The following RBFOX1 variants were observed in gnomAD, a reference collection of about 807,000 sequenced individuals.
The protein encoded by RBFOX1 is RNA binding protein fox-1 homolog 1.
In RBFOX1, 8 loss-of-function variants were observed where a neutral mutation model predicts 57.7. The ratio of observed to expected loss-of-function variants is 0.14; its 90% CI spans 0.08 to 0.25. The LOEUF is 0.25. RBFOX1 is among the 10% of genes least tolerant of loss of function. RBFOX1 has a pLI of 1.00. For missense variants in RBFOX1, 611 were observed against 548.5 expected (o/e 1.11, Z -1.14); for synonymous variants, 326 against 222.4 (o/e 1.47, Z -4.15).
At chr16:6,925,322 G>A (rs935165196) in intron 3 of RBFOX1, among the ~76,000 whole-genome samples, 6 of 150,920 alleles carry the variant, frequency 4.0e-5, no homozygotes, top group East Asian at 2.0e-4. Flanking sequence ...ATAGGGTTTC[G>A]TCCTGTTGGC....
At chr16:7,634,488 G>A (rs1370212392) in intron 11 of RBFOX1, among the ~76,000 whole-genome samples, 1 of 151,720 alleles carries the variant, frequency 6.6e-6, no homozygotes, top group Admixed American at 6.6e-5. Context: ...GGTTTTTAAA[G>A]GAACCCTGCT....
chr16:5,705,957 A>G (rs568973707), intron 3 of RBFOX1, among the ~76,000 whole-genome samples: 2 of 152,138 alleles, frequency 1.3e-5, no homozygotes, highest in East Asian at 1.9e-4. Context: ...GTTGCCCACG[A>G]TGGAGTGCAG....
intron 1 of RBFOX1, among the ~76,000 whole-genome samples, chr16:6,211,062 C>G (rs1177285027): frequency 2.0e-4 from 31 of 151,720 alleles, no homozygotes; most frequent in Non-Finnish European, 2.1e-4. Context: ...CTGGGGCAAA[C>G]TACTGATGGA....
At chr16:5,493,654 T>A (rs1006945753) in intron 2 of RBFOX1, among the ~76,000 whole-genome samples, 2 of 152,200 alleles carry the variant, frequency 1.3e-5, no homozygotes, top group African/African-American at 4.8e-5. Context: ...CTGTCAAGAT[T>A]GATGGAGTAG....
chr16:6,380,295 G>A (rs1415175930), intron 2 of RBFOX1, among the ~76,000 whole-genome samples: 1 of 151,640 alleles, frequency 6.6e-6, no homozygotes, highest in East Asian at 1.9e-4. Flanking sequence ...GTTCTCCTTG[G>A]AAAGAGAACA....
chr16:7,291,435 C>T (rs533771352), intron 4 of RBFOX1, among the ~76,000 whole-genome samples: 3 of 152,038 alleles, frequency 2.0e-5, no homozygotes, highest in East Asian at 1.9e-4. Flanking sequence ...AGTATAGCCA[C>T]AATGGAAAAT....
intron 3 of RBFOX1, among the ~76,000 whole-genome samples, chr16:6,688,268 C>A (rs1381262108): frequency 6.6e-6 from 1 of 151,924 alleles, no homozygotes; most frequent in Admixed American, 6.5e-5. Flanking sequence ...CAATTGTAAA[C>A]AACCACATCT....
chr16:6,558,657 T>C (rs536485058), intron 2 of RBFOX1, among the ~76,000 whole-genome samples: 7 of 152,208 alleles, frequency 4.6e-5, no homozygotes, highest in African/African-American at 7.2e-5. Flanking sequence ...TAACCAAAGA[T>C]GGCTAATTAA....
At chr16:6,483,132 C>T in intron 2 of RBFOX1, 2 of 1,046,798 alleles carry the variant, frequency 1.9e-6, no homozygotes, top group Non-Finnish European at 2.3e-6. Flanking sequence ...CTGCCTTCCC[C>T]CAGCTGCAAG....
chr16:7,195,218 A>C (rs934745906), intron 4 of RBFOX1, among the ~76,000 whole-genome samples: 1 of 152,190 alleles, frequency 6.6e-6, no homozygotes, highest in Non-Finnish European at 1.5e-5. Flanking sequence ...TGAGTTTCCC[A>C]GAATAGCCTT....
At position 5,854,235 on chromosome 16, in the gene RBFOX1, C is replaced by A. The variant is rs151049024; in HGVS notation, c.319-13068C>A. 8.5e-3 allele frequency among the ~76,000 whole-genome samples: 1,297 copies of A among 152,276 alleles called. 11 individuals carry two copies. Among genetic ancestry groups the A allele is most frequent in the Non-Finnish European group, 0.013 (882 of 68,024 alleles). On this transcript the variant is annotated intron_variant, in intron 3 of 19. Transcript: ENST00000641259. ...CTTCAGAAATATCAAGTATATAGTA[C>A]AGTATTGTTCATTGTCATCACAAGA...
At chr16:5,440,739 A>G (rs2068059210) in intron 1 of RBFOX1, among the ~76,000 whole-genome samples, 1 of 152,200 alleles carries the variant, frequency 6.6e-6, no homozygotes, top group Non-Finnish European at 1.5e-5. Flanking sequence ...GCTGGGCAGC[A>G]GTGGTGGTGA....
intron 3 of RBFOX1, among the ~76,000 whole-genome samples, chr16:6,897,751 C>G (rs975302095): frequency 6.6e-6 from 1 of 152,174 alleles, no homozygotes; most frequent in South Asian, 2.1e-4. Flanking sequence ...TGAGATCATG[C>G]TGTTACACTC....
At chr16:6,193,782 G>A (rs552359790) in intron 1 of RBFOX1, among the ~76,000 whole-genome samples, 1 of 151,892 alleles carries the variant, frequency 6.6e-6, no homozygotes, top group East Asian at 1.9e-4. Flanking sequence ...CTCCCCACTG[G>A]GTTTGTCACT....
At chr16:6,541,673 GAATATCAATTCTGGGCAA>G (rs1490684740) in intron 2 of RBFOX1, among the ~76,000 whole-genome samples, 3 of 152,206 alleles carry the variant, frequency 2.0e-5, no homozygotes, top group Admixed American at 2.0e-4. Context: ...GGAAGAGCAA[GAATATCAATTCTGGGCAA>G]ATGCTGTAGG....
At chr16:5,948,158 A>C (rs187031627) in intron 4 of RBFOX1, among the ~76,000 whole-genome samples, 1 of 152,286 alleles carries the variant, frequency 6.6e-6, no homozygotes, top group Admixed American at 6.5e-5. Flanking sequence ...CTAATGCTAT[A>C]TATAGTAGCC....
At chr16:6,771,502 C>G (rs1194526352) in intron 3 of RBFOX1, among the ~76,000 whole-genome samples, 2 of 152,066 alleles carry the variant, frequency 1.3e-5, no homozygotes, top group Non-Finnish European at 2.9e-5. Context: ...GTCAGCAGTC[C>G]TAGCAAACCC....
intron 4 of RBFOX1, among the ~76,000 whole-genome samples, chr16:7,093,500 A>G (rs1406166678): frequency 2.6e-5 from 4 of 152,176 alleles, no homozygotes; most frequent in African/African-American, 7.2e-5. Context: ...GTTTCCCAGC[A>G]TCTTTAAGTC....
At chr16:5,410,223 T>G (rs1170659874) in intron 1 of RBFOX1, among the ~76,000 whole-genome samples, 1 of 150,912 alleles carries the variant, frequency 6.6e-6, no homozygotes, top group Non-Finnish European at 1.5e-5. Flanking sequence ...CTACAAAAAT[T>G]AGCTGGGCAT....
Sources: gnomAD v4.1 joint callset for allele counts (sites outside exome capture counted in the v4.1 genomes callset) on GRCh38, gnomAD v4.1.1 for gene constraint, MANE v1.5 for transcripts, NCBI Gene and HGNC (gene_info 2026-07-23, HGNC 2026-07-21) for gene names.